The following CYP4F2 variants were observed in gnomAD, a reference collection of about 807,000 sequenced individuals.
The protein encoded by CYP4F2 is cytochrome P450 4F2.
Under a neutral mutation model 58.9 loss-of-function variants are expected in CYP4F2, and 58 were observed. The ratio of observed to expected loss-of-function variants is 0.98; its 90% CI spans 0.80 to 1.23. The LOEUF is 1.23. Among genes scored for constraint, CYP4F2 ranks in the 50% most tolerant of loss-of-function variants. The pLI is 0.00. For missense variants in CYP4F2, 616 were observed against 685.6 expected (o/e 0.90, Z 1.13); for synonymous variants, 287 against 261.1 (o/e 1.10, Z -0.95).
rs558704586 is a variant in CYP4F2 at position 15,880,750 on chromosome 19, G to C, written c.1116-853C>G. Among the ~76,000 whole-genome samples, 3 of 152,262 alleles carry C rather than the reference G, an allele frequency of 2.0e-5. No homozygotes were observed. The East Asian group carries it at 5.8e-4, about 29-fold the overall frequency. On this transcript the variant is annotated intron_variant, in intron 9 of 12. Transcript: ENST00000221700. ...GAAACAAACATCAACACGTGAAAGA[G>C]ATGTTCAACCTCACTCTTATTTAAA...
chr19:15,886,476 C>T, intron 7 of CYP4F2, 168 bp from the exon 8 acceptor site: 1 of 807,908 alleles, frequency 1.2e-6, no homozygotes, highest in Non-Finnish European at 1.9e-6. Context: ...ATGGCCAGAG[C>T]CCTCACCTCA....
intron 9 of CYP4F2, among the ~76,000 whole-genome samples, chr19:15,881,662 G>A (rs2089346098): frequency 6.6e-6 from 1 of 152,070 alleles, no homozygotes; most frequent in Non-Finnish European, 1.5e-5. Context: ...AGGTGGGGTG[G>A]CAGGATTGTC....
chr19:15,887,522 A>G lies in CYP4F2; in HGVS notation c.919-1214T>C, dbSNP rs1244026745. Among the ~76,000 whole-genome samples, 3 of 111,110 alleles carry G rather than the reference A, an allele frequency of 2.7e-5. No individual in the cohort carries two copies. The East Asian group carries it at 6.9e-4, about 25-fold the overall frequency. The allele number at this position is 111,110 out of a possible 152,430, so 72.9% of individuals were successfully genotyped here. ...CATAGACACAGATATAGACACAGAC[A>G]CACACACATAGATAAAGTCACAGAC... On this transcript the variant is annotated intron_variant, in intron 7 of 12. Transcript: ENST00000221700.
In CYP4F2 at chr19:15,886,044, G is replaced by T. The variant is rs772121982; in HGVS notation, c.995C>A (p.Thr332Asn). Residue 332 changes from threonine to asparagine, a missense_variant, in exon 9 of 13, where the codon ACC (threonine) becomes AAC (asparagine). Coordinates refer to ENST00000221700, the MANE Select transcript of CYP4F2 (RefSeq NM_001082.5). Reference protein sequence around the residue: ...ADTFMFEGHDTTASGLSWVLY... With the variant: ...ADTFMFEGHDNTASGLSWVLY... ...GACCCAGGAGAGACCACTGGCCGTG[G>T]TGTCATGGCCTGGGGGGCAGCAAGG... The T allele has an allele frequency of 3.7e-6, 6 of 1,613,864 alleles. No homozygotes were observed. In the South Asian group the frequency reaches 6.6e-5, roughly 18 times the overall value.
At chr19:15,892,506 C>G (rs765525573) in intron 4 of CYP4F2, 23 bp downstream of exon 4, 1 of 1,614,018 alleles carries the variant, frequency 6.2e-7, no homozygotes, top group South Asian at 1.1e-5. Flanking sequence ...TTTTCCCAAC[C>G]CTGTTCACCT....
In CYP4F2 at chr19:15,886,044, G is replaced by A. The variant is rs772121982; in HGVS notation, c.995C>T (p.Thr332Ile). The A allele has an allele frequency of 6.8e-6, 11 of 1,613,746 alleles. No homozygotes were observed. The Admixed American group carries it at 1.2e-4, about 17-fold the overall frequency. Reference sequence around the variant, plus strand: ...GACCCAGGAGAGACCACTGGCCGTGGTGTCATGGCCTGGGGGGCAGCAAGG... The same window carrying A: ...GACCCAGGAGAGACCACTGGCCGTGATGTCATGGCCTGGGGGGCAGCAAGG... ...ADTFMFEGHDTTASGLSWVLY... is the reference protein window; with the variant it reads ...ADTFMFEGHDITASGLSWVLY... The change falls in exon 9 of 13, where the codon ACC becomes ATC. Residue 332 changes from threonine (T) to isoleucine (I), a missense_variant. Transcript: ENST00000221700.
chr19:15,897,300 C>A, intron 2 of CYP4F2, 114 bp downstream of exon 2: 1 of 1,094,402 alleles, frequency 9.1e-7, no homozygotes. Context: ...GCCTCCTCTG[C>A]TTCTCTGCCA....
Position 15,895,625 on chromosome 19 carries a change from C to T in CYP4F2, c.224G>A (p.Arg75Lys). ...GGTGGCCACCAGCTGAGTCAGAACT[C>T]TCATGCCCTCCTCTGTGGGGTTGAC... ...GMVNPTEEGMRVLTQLVATYP... is the reference protein window; with the variant it reads ...GMVNPTEEGMKVLTQLVATYP... The change falls in exon 3 of 13, where the codon AGA becomes AAA. Residue 75 changes from arginine (R) to lysine (K), a missense_variant. Physicochemically the swap from Arg to Lys is conservative, Grantham distance 26. Coordinates refer to ENST00000221700, the MANE Select transcript of CYP4F2 (RefSeq NM_001082.5). 1 of 1,599,244 alleles carries T rather than the reference C, an allele frequency of 6.3e-7. No homozygotes were observed. The highest frequency in any genetic ancestry group is 8.5e-7 in the Non-Finnish European group (1 of 1,173,624).
At chr19:15,885,262 C>A (rs1568470839) in intron 9 of CYP4F2, among the ~76,000 whole-genome samples, 1 of 152,160 alleles carries the variant, frequency 6.6e-6, no homozygotes, top group African/African-American at 2.4e-5. Context: ...TCTATACCCC[C>A]TAGTCCTGCT....
chr19:15,887,115 A>G (rs1016094201), intron 7 of CYP4F2, among the ~76,000 whole-genome samples: 2 of 152,200 alleles, frequency 1.3e-5, no homozygotes, highest in East Asian at 3.8e-4. Context: ...AAACACACAT[A>G]GACAAAGTCA....
chr19:15,881,379 AG>A (rs1188785868), intron 9 of CYP4F2, among the ~76,000 whole-genome samples: 1 of 152,230 alleles, frequency 6.6e-6, no homozygotes, highest in Non-Finnish European at 1.5e-5. Flanking sequence ...AAGGGCAAAA[AG>A]TATATGAATA....
intron 3 of CYP4F2, chr19:15,893,882 C>G: frequency 7.5e-6 from 2 of 266,546 alleles, no homozygotes; most frequent in Non-Finnish European, 1.5e-5. Flanking sequence ...AGCTGTGAAT[C>G]TGGAGAAAAA....
rs1456169895 is a variant in CYP4F2, at chr19:15,892,528, C to T, written c.397+1G>A. ...AACCCTGTTCACCTGCAGATACTCA[C>T]CCAGCCAGGGCTCCAGGAAGCTGTA... On this transcript the variant is annotated splice_donor_variant, in intron 4 of 12. Coordinates refer to ENST00000221700, the MANE Select transcript of CYP4F2 (RefSeq NM_001082.5). LOFTEE classifies it high-confidence loss of function. The T allele has an allele frequency of 6.2e-7, 1 of 1,613,966 alleles. No homozygotes were observed.
At chr19:15,882,851 T>C (rs2089353687) in intron 9 of CYP4F2, among the ~76,000 whole-genome samples, 1 of 152,222 alleles carries the variant, frequency 6.6e-6, no homozygotes, top group African/African-American at 2.4e-5. Context: ...TGTGTTCATA[T>C]AAATAAAAAT....
Position 15,879,806 on chromosome 19 carries a change from T to C in CYP4F2, c.1207A>G (p.Thr403Ala). The C allele has an allele frequency of 6.2e-7, 1 of 1,613,992 alleles. No individual in the cohort carries two copies. Residue 403 changes from threonine (T) to alanine (A), a missense_variant, in exon 10 of 13, where the codon ACC (threonine) becomes GCC (alanine). Transcript: ENST00000221700. ...PPVPVISRHV[T>A]QDIVLPDGRV... ...CCGTCTGGGAGCACAATGTCCTGGG[T>C]GACATGGCGGGAGATGACCGGGACT...
At chr19:15,879,449 G>A in intron 11 of CYP4F2, 21 bp from the exon 12 acceptor site, 7 of 1,613,852 alleles carry the variant, frequency 4.3e-6, no homozygotes, top group Non-Finnish European at 5.9e-6. Context: ...GACCAAGAAG[G>A]GTTGTTGGGT....
At position 15,886,323 on chromosome 19, in the gene CYP4F2, G is replaced by A. The variant is rs1178904713; in HGVS notation, c.919-15C>T. 1.7e-5 allele frequency: 27 copies of A among 1,583,092 alleles called. No individual in the cohort carries two copies. Among genetic ancestry groups the A allele is most frequent in the African/African-American group, 4.4e-5 (3 of 67,844 alleles). ...CCGTCTTCATCCTGGAGAGAAGGCA[G>A]TAACCCCCCCCAACCCCCACCCCCA... On this transcript the variant is annotated splice_polypyrimidine_tract_variant and intron_variant, in intron 7 of 12. Transcript: ENST00000221700.
rs3093203 is a variant in CYP4F2, at chr19:15,878,374, G to A, written c.*397C>T. On this transcript the variant is annotated 3_prime_UTR_variant, in exon 13 of 13. Coordinates refer to ENST00000221700, the MANE Select transcript of CYP4F2 (RefSeq NM_001082.5). Reference sequence around the variant, plus strand: ...CAGATTGGCCTGTTCTGGAAATTTCGTATAAAAGGACAGTACACTATGTGA... The same window carrying A: ...CAGATTGGCCTGTTCTGGAAATTTCATATAAAAGGACAGTACACTATGTGA... 0.28 allele frequency: 47,189 copies of A among 168,868 alleles called. 6,864 individuals are homozygous for A. Among genetic ancestry groups the A allele is most frequent in the Non-Finnish European group, 0.32 (25,052 of 79,036 alleles). The allele number at this position is 168,868 out of a possible 1,614,324, so 10.5% of individuals were successfully genotyped here.
intron 2 of CYP4F2, among the ~76,000 whole-genome samples, chr19:15,896,173 C>G: frequency 6.6e-6 from 1 of 152,050 alleles, no homozygotes; most frequent in Non-Finnish European, 1.5e-5. Flanking sequence ...ACGTGCCTGT[C>G]CATCCATCCA....
Sources: gnomAD v4.1 joint callset for allele counts (sites outside exome capture counted in the v4.1 genomes callset) on GRCh38, gnomAD v4.1.1 for gene constraint, MANE v1.5 for transcripts, NCBI Gene and HGNC (gene_info 2026-07-23, HGNC 2026-07-21) for gene names.